PALM2AKAP2: variants seen among roughly 807,000 people sequenced by gnomAD.
The protein encoded by PALM2AKAP2 is PALM2-AKAP2 fusion protein.
PALM2AKAP2 carries 37 observed loss-of-function variants against 71.5 expected under a neutral mutation model. The observed-to-expected ratio is 0.52, with a 90% CI of 0.40 to 0.68. PALM2AKAP2 has a LOEUF of 0.68. Among genes scored for constraint, PALM2AKAP2 ranks in the 30% least tolerant of loss-of-function variants. The pLI, the probability that PALM2AKAP2 is intolerant of heterozygous loss-of-function variation, is 0.00. For synonymous variants in PALM2AKAP2, 468 were observed against 478.8 expected, an observed-to-expected ratio of 0.98 and a Z score of 0.29; for missense variants, 1,224 against 1,191.8, an observed-to-expected ratio of 1.03 and a Z score of -0.40.
intron 2 of PALM2AKAP2, among the ~76,000 whole-genome samples, chr9:110,143,261 A>G (rs899895814): frequency 7.9e-5 from 12 of 151,772 alleles, no homozygotes; most frequent in South Asian, 2.1e-4. Context: ...AAAAAAAAAA[A>G]AAAAAGAAAA....
intron 1 of PALM2AKAP2, among the ~76,000 whole-genome samples, chr9:110,122,798 C>T (rs1273999695): frequency 6.6e-6 from 1 of 152,216 alleles, no homozygotes; most frequent in East Asian, 1.9e-4. Flanking sequence ...TACGGCAAAA[C>T]AGTGCAAATT....
intron 7 of PALM2AKAP2, chr9:110,025,174 C>A (rs1201246435): frequency 2.9e-6 from 4 of 1,389,732 alleles, no homozygotes; most frequent in Non-Finnish European, 4.0e-6. Flanking sequence ...GTAGACTCTT[C>A]CAGTTTTGCC....
At chr9:110,070,900 G>A (rs1251200744) in intron 1 of PALM2AKAP2, among the ~76,000 whole-genome samples, 1 of 152,104 alleles carries the variant, frequency 6.6e-6, no homozygotes, top group Non-Finnish European at 1.5e-5. Context: ...GGTAGCTCAT[G>A]CCTGTAATCC....
At chr9:110,091,290 A>T (rs557749960) in intron 1 of PALM2AKAP2, among the ~76,000 whole-genome samples, 19 of 152,100 alleles carry the variant, frequency 1.2e-4, no homozygotes, top group African/African-American at 3.6e-4. Flanking sequence ...AGATTTTTTT[A>T]AAAAACCCTC....
At chr9:109,942,878 C>G (rs1418131517) in intron 6 of PALM2AKAP2, 1 of 1,613,996 alleles carries the variant, frequency 6.2e-7, no homozygotes, top group African/African-American at 1.3e-5. Flanking sequence ...AAATTAAGCA[C>G]AAAGGATGTA....
At chr9:109,710,716 C>T (rs114316354) in intron 1 of PALM2AKAP2, among the ~76,000 whole-genome samples, 6,439 of 152,220 alleles carry the variant, frequency 0.042, 185 homozygotes, top group Non-Finnish European at 0.053. Flanking sequence ...CTCCTCTCCT[C>T]ACCTTGGGTA....
chr9:110,110,604 T>C (rs1020856191), intron 1 of PALM2AKAP2, among the ~76,000 whole-genome samples: 12 of 142,786 alleles, frequency 8.4e-5, no homozygotes, highest in Non-Finnish European at 1.4e-4. Context: ...TGGAGTGCAG[T>C]GGTACGATCT....
In PALM2AKAP2 at chr9:109,692,786, C is replaced by T. The variant is rs183204574; in HGVS notation, c.5+51920C>T. ...ATGAACCTTGCCTTTGGGGATGAAC[C>T]TCCCTTGGTCATGATGTATTATACT... On this transcript the variant is annotated intron_variant, in intron 1 of 6. Transcript: ENST00000374531. 7.8e-4 allele frequency among the ~76,000 whole-genome samples: 118 copies of T among 151,932 alleles called. 3 individuals are homozygous for T. In the East Asian group the frequency reaches 0.017, roughly 22 times the overall value.
chr9:110,001,549 A>G (rs181510108), intron 6 of PALM2AKAP2, among the ~76,000 whole-genome samples: 1 of 152,328 alleles, frequency 6.6e-6, no homozygotes, highest in Admixed American at 6.5e-5. Context: ...AATTCCGTGA[A>G]TAAAGTCATT....
intron 1 of PALM2AKAP2, among the ~76,000 whole-genome samples, chr9:109,759,995 A>G (rs2031786): frequency 0.39 from 59,292 of 151,996 alleles, 11,672 homozygotes; most frequent in South Asian, 0.51. Flanking sequence ...TACCTCCAAA[A>G]TGAAGATACA....
chr9:110,129,199 A>G (rs1462170704), intron 1 of PALM2AKAP2, among the ~76,000 whole-genome samples: 1 of 152,244 alleles, frequency 6.6e-6, no homozygotes, highest in Non-Finnish European at 1.5e-5. Flanking sequence ...TTAACTCTCC[A>G]GGGAGTTCAT....
chr9:110,105,870 G>A (rs1035853523), intron 1 of PALM2AKAP2, among the ~76,000 whole-genome samples: 7 of 152,124 alleles, frequency 4.6e-5, no homozygotes, highest in Non-Finnish European at 8.8e-5. Context: ...TCATTCTAAT[G>A]TCTTTTGGAA....
At chr9:109,848,663 T>G (rs1344058102) in intron 1 of PALM2AKAP2, among the ~76,000 whole-genome samples, 11 of 151,834 alleles carry the variant, frequency 7.2e-5, no homozygotes, top group Admixed American at 6.6e-4. Context: ...TGACAGAGAC[T>G]GGGTGTGGTC....
intron 2 of PALM2AKAP2, among the ~76,000 whole-genome samples, chr9:110,147,613 G>A (rs1437627121): frequency 1.3e-5 from 2 of 151,470 alleles, no homozygotes; most frequent in East Asian, 1.9e-4. Context: ...CTGTTTCTAC[G>A]GGGGGAAAAA....
intron 1 of PALM2AKAP2, among the ~76,000 whole-genome samples, chr9:110,053,527 C>CAAAGAAAAAA (rs1833756991): frequency 1.2e-5 from 1 of 82,876 alleles, no homozygotes; most frequent in Non-Finnish European, 2.2e-5. Context: ...AACTCTGTCT[C>CAAAGAAAAAA]AAAAAAAAAA....
chr9:110,132,871 A>G (rs1179016324), intron 1 of PALM2AKAP2, among the ~76,000 whole-genome samples: 1 of 152,238 alleles, frequency 6.6e-6, no homozygotes, highest in Non-Finnish European at 1.5e-5. Context: ...TGGCCTCTCA[A>G]AGTGCTGGGA....
intron 1 of PALM2AKAP2, among the ~76,000 whole-genome samples, chr9:110,103,944 C>A (rs959237423): frequency 6.6e-6 from 1 of 152,210 alleles, no homozygotes; most frequent in Non-Finnish European, 1.5e-5. Flanking sequence ...CGTGGATCCA[C>A]CTGCCCCGTC....
chr9:110,043,828 C>T (rs1034081745), upstream of PALM2AKAP2, among the ~76,000 whole-genome samples: 2 of 146,462 alleles, frequency 1.4e-5, no homozygotes, highest in African/African-American at 5.1e-5. Context: ...CCAAGCAATC[C>T]TCCCATCTCA....
At chr9:109,733,497 G>A (rs1314554180) in intron 1 of PALM2AKAP2, among the ~76,000 whole-genome samples, 1 of 152,126 alleles carries the variant, frequency 6.6e-6, no homozygotes, top group Non-Finnish European at 1.5e-5. Context: ...ACCCTGGTGT[G>A]GTACAAAGCA....
Sources: allele counts gnomAD v4.1 joint callset (sites outside exome capture counted in the v4.1 genomes callset), GRCh38; gene constraint gnomAD v4.1.1; transcripts MANE v1.5; gene names NCBI Gene and HGNC (gene_info 2026-07-23, HGNC 2026-07-21).